Variants in TRAT1 observed in about 807,000 individuals in gnomAD.
The protein encoded by TRAT1 is T cell receptor associated transmembrane adaptor 1, also known as T-cell receptor-associated transmembrane adapter 1.
A neutral mutation model predicts 20.0 loss-of-function variants in TRAT1; 20 were observed. That is an observed-to-expected ratio of 1.00 (90% CI 0.70 to 1.45). The LOEUF is 1.45. TRAT1 is among the 40% of genes most tolerant of loss of function. The pLI, the probability that TRAT1 is intolerant of heterozygous loss-of-function variation, is 0.00. For missense variants in TRAT1, 237 were observed against 224.1 expected (o/e 1.06, Z -0.37); for synonymous variants, 77 against 74.2 (o/e 1.04, Z -0.20).
At chr3:108,844,829 G>A (rs919727151) in intron 3 of TRAT1, among the ~76,000 whole-genome samples, 1 of 110,396 alleles carries the variant, frequency 9.1e-6, no homozygotes, top group Non-Finnish European at 1.7e-5. Context: ...GGGTGACAGA[G>A]AGAGACTCTG....
intron 2 of TRAT1, among the ~76,000 whole-genome samples, chr3:108,835,325 A>G (rs1368867392): frequency 6.6e-6 from 1 of 152,250 alleles, no homozygotes; most frequent in East Asian, 1.9e-4. Context: ...CTTCCCACGC[A>G]CAGTCTTGCA....
rs185398605 is a variant in TRAT1 at position 108,840,936 on chromosome 3, C to T, written c.152+1969C>T. On this transcript the variant is annotated intron_variant, in intron 3 of 5. Coordinates refer to ENST00000295756, the MANE Select transcript of TRAT1 (RefSeq NM_016388.4). ...CCACCTGCACTGCAGCTGAAGGACT[C>T]CAGAAAGCAGCCTACCTTTGGGTTT... Among the ~76,000 whole-genome samples the T allele has an allele frequency of 2.6e-5, 4 of 152,352 alleles. No homozygotes were observed. The East Asian group carries it at 7.7e-4, about 29-fold the overall frequency.
Position 108,846,415 on chromosome 3 carries a change from T to TA in TRAT1, c.153-652dup, listed in dbSNP as rs148463519. 7.7e-3 allele frequency among the ~76,000 whole-genome samples: 1,171 copies of TA among 152,328 alleles called. 6 individuals carry two copies. The highest frequency in any genetic ancestry group is 0.011 in the Non-Finnish European group (751 of 68,026). On this transcript the variant is annotated intron_variant, in intron 3 of 5. Coordinates refer to ENST00000295756, the MANE Select transcript of TRAT1 (RefSeq NM_016388.4). ...CCTGTAAAGCAGGGAAGAATACTACTACTTTTGGAGAATTTTCTTTGTGAG... is the reference window on the plus strand; with the variant it reads ...CCTGTAAAGCAGGGAAGAATACTACTAACTTTTGGAGAATTTTCTTTGTGAG...
intron 1 of TRAT1, among the ~76,000 whole-genome samples, chr3:108,827,171 T>A (rs1246526405): frequency 1.3e-5 from 2 of 152,186 alleles, no homozygotes; most frequent in Non-Finnish European, 1.5e-5. Flanking sequence ...GGAGTTTTTT[T>A]AAATTGATCA....
intron 3 of TRAT1, among the ~76,000 whole-genome samples, chr3:108,840,495 A>G (rs993167386): frequency 3.3e-5 from 5 of 151,452 alleles, no homozygotes; most frequent in Non-Finnish European, 7.4e-5. Flanking sequence ...TTGGTAAAAT[A>G]CCTGCCTCAA....
chr3:108,844,843 CAAA>C (rs71103495), intron 3 of TRAT1, among the ~76,000 whole-genome samples: 3 of 47,828 alleles, frequency 6.3e-5, no homozygotes, highest in African/African-American at 2.6e-4. Flanking sequence ...GACTCTGTCT[CAAA>C]AAAAAAAAAA....
In TRAT1 at chr3:108,852,247, G is replaced by A. The variant is rs145276264; in HGVS notation, c.304-1373G>A. On this transcript the variant is annotated intron_variant, in intron 5 of 5. Transcript: ENST00000295756. ...AATACAAAAATTAGCCAGGCGTGGT[G>A]GTGGGCACCTATAATCCCAGCTACT... is the stretch of plus-strand genomic sequence containing the variant. 2.4e-3 allele frequency among the ~76,000 whole-genome samples: 363 copies of A among 152,288 alleles called. 1 individual carries two copies. The highest frequency in any genetic ancestry group is 8.3e-3 in the African/African-American group (344 of 41,556).
At chr3:108,842,199 T>C (rs1173892697) in intron 3 of TRAT1, among the ~76,000 whole-genome samples, 2 of 152,180 alleles carry the variant, frequency 1.3e-5, no homozygotes, top group Admixed American at 6.5e-5. Flanking sequence ...TTCCAGCAGA[T>C]TTTCATGAAC....
At chr3:108,824,405 C>G (rs1945718570) in intron 1 of TRAT1, among the ~76,000 whole-genome samples, 1 of 152,174 alleles carries the variant, frequency 6.6e-6, no homozygotes, top group South Asian at 2.1e-4. Flanking sequence ...AAAATCGTCA[C>G]TAATCTCATA....
intron 2 of TRAT1, among the ~76,000 whole-genome samples, chr3:108,838,124 C>A (rs1945855578): frequency 1.3e-5 from 2 of 152,080 alleles, no homozygotes; most frequent in Non-Finnish European, 2.9e-5. Flanking sequence ...AATAACTTTT[C>A]TTTTCTTAGA....
chr3:108,835,535 T>C (rs1363150236), intron 2 of TRAT1, among the ~76,000 whole-genome samples: 1 of 152,202 alleles, frequency 6.6e-6, no homozygotes, highest in Admixed American at 6.5e-5. Context: ...TCACTACGGC[T>C]CATTTAAAGA....
chr3:108,838,201 A>G (rs907829192), intron 2 of TRAT1, among the ~76,000 whole-genome samples: 19 of 152,142 alleles, frequency 1.2e-4, no homozygotes, highest in African/African-American at 4.6e-4. Flanking sequence ...TCTTCTTCCT[A>G]GCACACTCAT....
In TRAT1 at chr3:108,853,807, A is replaced by G. The variant is rs753534244; in HGVS notation, c.491A>G (p.Glu164Gly). ...DSFSPESQAV[E>G]ENIHDDPIRL... ...TTCTCCCCAGAAAGCCAGGCAGTAG[A>G]GGAAAACATTCATGATGATCCCATC... Residue 164 changes from glutamate (E) to glycine (G), a missense_variant, in exon 6 of 6, where the codon GAG (glutamate) becomes GGG (glycine). Glu to Gly is a moderately conservative substitution (Grantham distance 98, BLOSUM62 -2). Coordinates refer to ENST00000295756, the MANE Select transcript of TRAT1 (RefSeq NM_016388.4). 6.2e-7 allele frequency: 1 copy of G among 1,614,162 alleles called. No individual in the cohort carries two copies. Among genetic ancestry groups the G allele is most frequent in the Non-Finnish European group, 8.5e-7 (1 of 1,179,980 alleles).
At chr3:108,838,883 C>A in intron 2 of TRAT1, 51 bp from the exon 3 acceptor site, 1 of 1,378,854 alleles carries the variant, frequency 7.3e-7, no homozygotes, top group Non-Finnish European at 1.0e-6. Flanking sequence ...GAATATTTAA[C>A]AAAGGTATGT....
chr3:108,832,947 C>T (rs1224781031), intron 2 of TRAT1, among the ~76,000 whole-genome samples: 3 of 152,178 alleles, frequency 2.0e-5, no homozygotes, highest in Non-Finnish European at 2.9e-5. Context: ...AAGTATTCAG[C>T]TGTACTAGTC....
intron 2 of TRAT1, among the ~76,000 whole-genome samples, chr3:108,833,451 AT>A (rs920277067): frequency 1.3e-5 from 2 of 152,102 alleles, no homozygotes; most frequent in Admixed American, 1.3e-4. Context: ...CCACGTTTTC[AT>A]TTTGTTATTT....
chr3:108,848,800 C>A (rs777422305), intron 4 of TRAT1, among the ~76,000 whole-genome samples: 1 of 152,208 alleles, frequency 6.6e-6, no homozygotes, highest in African/African-American at 2.4e-5. Flanking sequence ...GCACCATGCA[C>A]CATTTGCAGT....
intron 2 of TRAT1, among the ~76,000 whole-genome samples, chr3:108,836,685 AT>A (rs745898395): frequency 3.9e-5 from 6 of 152,208 alleles, no homozygotes; most frequent in Non-Finnish European, 5.9e-5. Context: ...TCATTAAAAA[AT>A]GTTTTTACAG....
intron 3 of TRAT1, among the ~76,000 whole-genome samples, chr3:108,840,984 T>C (rs748882106): frequency 6.6e-5 from 10 of 152,240 alleles, no homozygotes; most frequent in Non-Finnish European, 1.5e-4. Flanking sequence ...CAACATGATA[T>C]GCTGGGCTAA....
Sources: gnomAD v4.1 joint callset for allele counts (sites outside exome capture counted in the v4.1 genomes callset) on GRCh38, gnomAD v4.1.1 for gene constraint, MANE v1.5 for transcripts, NCBI Gene and HGNC (gene_info 2026-07-23, HGNC 2026-07-21) for gene names.